The following BANF2 variants were observed in gnomAD, a reference collection of about 807,000 sequenced individuals.
BANF2 encodes barrier-to-autointegration factor-like protein.
A neutral mutation model predicts 8.0 loss-of-function variants in BANF2; 4 were observed. The ratio of observed to expected loss-of-function variants is 0.50; its 90% confidence interval spans 0.25 to 1.14. The LOEUF is 1.14. Among genes scored for constraint, BANF2 ranks in the 50% most tolerant of loss-of-function variants. BANF2 has a pLI of 0.16. For missense variants in BANF2, 96 were observed against 107.5 expected (o/e 0.89, Z 0.47); for synonymous variants, 50 against 40.6 (o/e 1.23, Z -0.88).
At chr20:17,734,078 A>G (rs58354129) in intron 3 of BANF2, among the ~76,000 whole-genome samples, 15,794 of 152,240 alleles carry the variant, frequency 0.1, 1,097 homozygotes, top group African/African-American at 0.2. Flanking sequence ...AGCCTCCACC[A>G]TTTAGTGGCT....
chr20:17,730,094 A>G (rs1293159366), intron 3 of BANF2, among the ~76,000 whole-genome samples: 1 of 152,242 alleles, frequency 6.6e-6, no homozygotes, highest in Non-Finnish European at 1.5e-5. Context: ...GAGCTGCCTG[A>G]AGGATGAGAC....
chr20:17,728,099 G>A (rs988892276), intron 3 of BANF2, among the ~76,000 whole-genome samples: 1 of 152,124 alleles, frequency 6.6e-6, no homozygotes, highest in African/African-American at 2.4e-5. Flanking sequence ...TGAGCCTCAC[G>A]TGACCTCCTG....
intron 1 of BANF2, among the ~76,000 whole-genome samples, chr20:17,714,205 A>AG (rs1260254394): frequency 1.3e-5 from 2 of 148,780 alleles, no homozygotes; most frequent in Non-Finnish European, 3.0e-5. Context: ...GTCAAAAAAA[A>AG]AAAAAAAAAG....
chr20:17,705,404 C>G (rs1216100025), intron 1 of BANF2, among the ~76,000 whole-genome samples: 3 of 152,200 alleles, frequency 2.0e-5, no homozygotes, highest in Non-Finnish European at 2.9e-5. Context: ...CTCCCAATCC[C>G]TAGCACAGAC....
At chr20:17,733,534 C>T (rs2037931970) in intron 3 of BANF2, among the ~76,000 whole-genome samples, 1 of 152,160 alleles carries the variant, frequency 6.6e-6, no homozygotes, top group South Asian at 2.1e-4. Context: ...AGCTCTATGT[C>T]TCTCGTTTCT....
chr20:17,700,007 GGT>G lies in BANF2; in HGVS notation c.-213_-212del. On this transcript the variant is annotated 5_prime_UTR_variant, in exon 1 of 4. Coordinates refer to ENST00000246090, the MANE Select transcript of BANF2 (RefSeq NM_178477.5). ...CTCTGGCCTGCAGTTCCAGATCCAA[GGT>G]GACTGAGACAAACTGCCAGCTGCCA... The G allele has an allele frequency of 1.0e-6, 1 of 985,486 alleles. No homozygotes were observed. Among genetic ancestry groups the G allele is most frequent in the Non-Finnish European group, 1.2e-6 (1 of 829,956 alleles). 61.0% of individuals were successfully genotyped at this position (985,486 alleles called of 1,614,324 possible). A position where few individuals can be genotyped will look rare whatever the true frequency, so the allele number is the denominator to read the frequency against.
At position 17,722,168 on chromosome 20, in the gene BANF2, G is replaced by A. The variant is rs1189105727; in HGVS notation, c.-166-548G>A. The stretch of plus-strand genomic sequence containing the variant: ...GACGTTGCTGGAGAGCCCCAGGAGG[G>A]CAAAAGTCACTGCCTATGTCCACAC... On this transcript the variant is annotated intron_variant, in intron 1 of 3. Coordinates refer to ENST00000246090, the MANE Select transcript of BANF2 (RefSeq NM_178477.5). Among the ~76,000 whole-genome samples the A allele has an allele frequency of 2.6e-5, 4 of 152,230 alleles. No homozygotes were observed. The East Asian group carries it at 7.7e-4, about 29-fold the overall frequency.
At chr20:17,715,182 G>A (rs2037632728) in intron 1 of BANF2, among the ~76,000 whole-genome samples, 1 of 152,174 alleles carries the variant, frequency 6.6e-6, no homozygotes, top group Admixed American at 6.5e-5. Flanking sequence ...TCCAGACCCA[G>A]AGTCCATGAA....
intron 1 of BANF2, among the ~76,000 whole-genome samples, chr20:17,708,046 C>CA (rs1491179991): frequency 0.024 from 2,712 of 111,722 alleles, 259 homozygotes; most frequent in African/African-American, 0.082. Context: ...TACTAAAAAT[C>CA]AAAAAAAAAA....
intron 1 of BANF2, among the ~76,000 whole-genome samples, chr20:17,708,458 C>T (rs917552654): frequency 2.0e-5 from 3 of 152,118 alleles, no homozygotes; most frequent in Admixed American, 2.0e-4. Flanking sequence ...AAAATCTAAA[C>T]GTTGGGCTTC....
intron 3 of BANF2, among the ~76,000 whole-genome samples, chr20:17,727,500 G>A (rs1254974042): frequency 6.6e-6 from 1 of 152,156 alleles, no homozygotes; most frequent in Admixed American, 6.5e-5. Flanking sequence ...CAGGGAGGAG[G>A]CTTAGACTAA....
In BANF2 at chr20:17,725,011, C is replaced by A; in HGVS notation, c.-3-12C>A. Reference sequence around the variant, plus strand: ...ATCTGCTAATCCTCCTCTCTCCCCACTGCTGTCGCAGGAGATGGACAACAT... The same window carrying A: ...ATCTGCTAATCCTCCTCTCTCCCCAATGCTGTCGCAGGAGATGGACAACAT... On this transcript the variant is annotated splice_polypyrimidine_tract_variant and intron_variant, in intron 2 of 3. Coordinates refer to ENST00000246090, the MANE Select transcript of BANF2 (RefSeq NM_178477.5). 4.4e-6 allele frequency: 7 copies of A among 1,604,046 alleles called. No homozygotes were observed. The highest frequency in any genetic ancestry group is 6.0e-6 in the Non-Finnish European group (7 of 1,171,560).
chr20:17,732,891 G>A (rs142680007), intron 3 of BANF2, among the ~76,000 whole-genome samples: 29 of 152,298 alleles, frequency 1.9e-4, no homozygotes, highest in South Asian at 4.1e-4. Flanking sequence ...GAAACCAAGC[G>A]GGCATCTGGC....
At chr20:17,712,979 G>A (rs2037596768) in intron 1 of BANF2, among the ~76,000 whole-genome samples, 1 of 152,156 alleles carries the variant, frequency 6.6e-6, no homozygotes, top group African/African-American at 2.4e-5. Context: ...CGGGCATGGT[G>A]GCTCATGCCT....
intron 3 of BANF2, among the ~76,000 whole-genome samples, chr20:17,734,578 C>A (rs1214501697): frequency 2.0e-5 from 3 of 152,164 alleles, no homozygotes. Flanking sequence ...TCTGTCAGCC[C>A]CATGTGCAGT....
chr20:17,722,542 C>CTGAGTTAAACACCATCT (rs1396773208), intron 1 of BANF2, among the ~76,000 whole-genome samples, 174 bp from the exon 2 acceptor site: 1 of 152,222 alleles, frequency 6.6e-6, no homozygotes, highest in Non-Finnish European at 1.5e-5. Context: ...CTGTTAACAC[C>CTGAGTTAAACACCATCT]TGAGTTAAAC....
At chr20:17,729,245 A>G (rs1244986913) in intron 3 of BANF2, among the ~76,000 whole-genome samples, 1 of 152,086 alleles carries the variant, frequency 6.6e-6, no homozygotes, top group Non-Finnish European at 1.5e-5. Context: ...CCTGATCCCT[A>G]TACTACAGCC....
At chr20:17,730,603 T>C (rs1444716799) in intron 3 of BANF2, among the ~76,000 whole-genome samples, 2 of 152,184 alleles carry the variant, frequency 1.3e-5, no homozygotes, top group Non-Finnish European at 2.9e-5. Context: ...AGACTCTCCA[T>C]GCTCAGGGGC....
chr20:17,722,612 G>A (rs1189683188), intron 1 of BANF2, 104 bp from the exon 2 acceptor site: 6 of 487,362 alleles, frequency 1.2e-5, no homozygotes, highest in Non-Finnish European at 1.6e-5. Flanking sequence ...CTATTTAGCT[G>A]CTAAAGAGAG....
Sources: gnomAD v4.1 joint callset for allele counts (sites outside exome capture counted in the v4.1 genomes callset) on GRCh38, gnomAD v4.1.1 for gene constraint, MANE v1.5 for transcripts, NCBI Gene and HGNC (gene_info 2026-07-23, HGNC 2026-07-21) for gene names.